Variants in ROS1 observed in about 807,000 individuals in gnomAD.
ROS1 encodes ROS proto-oncogene 1, receptor tyrosine kinase.
A neutral mutation model predicts 273.5 loss-of-function variants in ROS1; 263 were observed. The ratio of observed to expected loss-of-function variants is 0.96; its 90% confidence interval spans 0.87 to 1.06. The LOEUF (loss-of-function observed/expected upper bound fraction) is 1.06. Ranked by LOEUF, ROS1 falls within the 50% of genes least tolerant of loss-of-function variation. The pLI, the probability that ROS1 is intolerant of heterozygous loss-of-function variation, is 0.00. For missense variants in ROS1, 2,833 were observed against 2,751.1 expected (o/e 1.03, Z -0.67); for synonymous variants, 1,008 against 954.1 (o/e 1.06, Z -1.04).
chr6:117,401,860 A>G (rs1773973425), intron 7 of ROS1, among the ~76,000 whole-genome samples: 1 of 150,404 alleles, frequency 6.6e-6, no homozygotes, highest in Non-Finnish European at 1.5e-5. Flanking sequence ...TTATTTTTCC[A>G]CAGCCAAAGA....
Position 117,353,044 on chromosome 6 carries a change from C to T in ROS1, c.4249G>A (p.Ala1417Thr), listed in dbSNP as rs374701749. 6.2e-6 allele frequency: 10 copies of T among 1,614,024 alleles called. No homozygotes were observed. Among genetic ancestry groups the T allele is most frequent in the South Asian group, 4.4e-5 (4 of 91,088 alleles). Residue 1417 changes from alanine to threonine, a missense_variant, in exon 27 of 44, where the codon GCC becomes ACC. Physicochemically the swap from Ala to Thr is moderately conservative, Grantham distance 58. Coordinates refer to ENST00000368507, the MANE Select transcript of ROS1 (RefSeq NM_001378902.1). ...GCCAAGATATGCCTACTCCTTAGGG[C>T]CTTCACCTGGGAAACGATGGCCCCA... ...GNGAIVSQVK[A>T]LRSRHILAYS...
chr6:117,383,322 T>G lies in ROS1; in HGVS notation c.2476A>C (p.Lys826Gln). 1 of 1,611,862 alleles carries G rather than the reference T, an allele frequency of 6.2e-7. No individual in the cohort carries two copies. The highest frequency in any genetic ancestry group is 1.1e-5 in the South Asian group (1 of 90,934). The change falls in exon 17 of 44, where the codon AAA becomes CAA. Residue 826 changes from lysine (K) to glutamine (Q), a missense_variant. Lys to Gln is a moderately conservative substitution (Grantham distance 53). Transcript: ENST00000368507. The stretch of plus-strand genomic sequence containing the variant: ...CAGATCTTTTAATTTGTCACCTTTT[T>G]CCCAGAAAACCAAGGCTGTGTCTGT... ...VLQTQPWFSG[K>Q]KVIALTLDLS...
chr6:117,389,986 A>G (rs1408640732), intron 12 of ROS1, 140 bp from the exon 13 acceptor site: 1 of 736,064 alleles, frequency 1.4e-6, no homozygotes, highest in South Asian at 2.1e-5. Context: ...TCCAAGGTAG[A>G]AAAAGGTAAT....
intron 17 of ROS1, among the ~76,000 whole-genome samples, chr6:117,379,536 C>T (rs1771940697): frequency 6.6e-6 from 1 of 152,136 alleles, no homozygotes; most frequent in Non-Finnish European, 1.5e-5. Flanking sequence ...CTGTGTCAAG[C>T]TTGCCTAAAG....
chr6:117,410,115 C>G (rs968794288), intron 4 of ROS1, among the ~76,000 whole-genome samples: 2 of 152,124 alleles, frequency 1.3e-5, no homozygotes, highest in African/African-American at 4.8e-5. Context: ...AAAAGAAACC[C>G]CTTGTCTCTG....
At chr6:117,399,578 A>C (rs1243866050) in intron 7 of ROS1, among the ~76,000 whole-genome samples, 1 of 152,180 alleles carries the variant, frequency 6.6e-6, no homozygotes, top group African/African-American at 2.4e-5. Context: ...GCACATCTCC[A>C]GAGCTGAGGG....
chr6:117,411,798 A>G (rs1367224804), intron 4 of ROS1, among the ~76,000 whole-genome samples: 2 of 152,230 alleles, frequency 1.3e-5, no homozygotes, highest in Non-Finnish European at 2.9e-5. Flanking sequence ...ATCTAAGAAT[A>G]TGACAGTAAG....
At chr6:117,358,150 T>C (rs905647445) in intron 24 of ROS1, 141 bp from the exon 25 acceptor site, 41 of 604,736 alleles carry the variant, frequency 6.8e-5, no homozygotes, top group Non-Finnish European at 1.1e-4. Context: ...CGGTATACCA[T>C]TGTAACATGG....
chr6:117,347,011 T>A (rs1562297321), intron 27 of ROS1, among the ~76,000 whole-genome samples: 1 of 152,176 alleles, frequency 6.6e-6, no homozygotes, highest in East Asian at 1.9e-4. Flanking sequence ...CCAACTTTGT[T>A]CTTCTCCTTC....
chr6:117,342,405 T>C lies in ROS1; in HGVS notation c.4646A>G (p.Asn1549Ser), dbSNP rs779188243. 3.1e-6 allele frequency: 5 copies of C among 1,611,928 alleles called. No homozygotes were observed. The highest frequency in any genetic ancestry group is 1.7e-5 in the Admixed American group (1 of 59,830). Reference sequence around the variant, plus strand: ...ACAACAAGCCCATAACTTACCTCCATTTTTAGTTTTTCCCCAAATCTCTTT... The same window carrying C: ...ACAACAAGCCCATAACTTACCTCCACTTTTAGTTTTTCCCCAAATCTCTTT... ...PGKEIWGKTKNGVPEAVQLIN... is the reference protein window; with the variant it reads ...PGKEIWGKTKSGVPEAVQLIN... Residue 1549 changes from asparagine (N) to serine (S), a missense_variant, in exon 29 of 44, where the codon AAT becomes AGT. Coordinates refer to ENST00000368507, the MANE Select transcript of ROS1 (RefSeq NM_001378902.1).
intron 16 of ROS1, 73 bp downstream of exon 16, chr6:117,385,606 AAAAG>A (rs2128696183): frequency 1.5e-6 from 2 of 1,324,566 alleles, no homozygotes; most frequent in Non-Finnish European, 2.1e-6. Flanking sequence ...TTAAAAAAAA[AAAAG>A]AAATTGGTGT....
At chr6:117,329,678 G>A (rs547237492) in intron 32 of ROS1, among the ~76,000 whole-genome samples, 6 of 152,106 alleles carry the variant, frequency 3.9e-5, no homozygotes, top group Non-Finnish European at 8.8e-5. Flanking sequence ...CATCAAAATT[G>A]ACTAGAAGGC....
Position 117,397,126 on chromosome 6 carries a change from A to G in ROS1, c.605-10T>C. ...GGTGCAGTTTCAGGAACTGGAAGAG[A>G]TAATGGTGACATAATGAGCAGAAAA... On this transcript the variant is annotated splice_polypyrimidine_tract_variant and intron_variant, in intron 7 of 43. Transcript: ENST00000368507. 6.3e-7 allele frequency: 1 copy of G among 1,578,874 alleles called. No individual in the cohort carries two copies. Among genetic ancestry groups the G allele is most frequent in the Non-Finnish European group, 8.7e-7 (1 of 1,149,186 alleles).
intron 42 of ROS1, chr6:117,301,621 T>C (rs1774737163): frequency 6.5e-6 from 1 of 152,956 alleles, no homozygotes; most frequent in Admixed American, 6.5e-5. Flanking sequence ...GACCATTCTT[T>C]AATCAAGGGT....
intron 17 of ROS1, among the ~76,000 whole-genome samples, chr6:117,380,954 A>T (rs1270901828): frequency 6.6e-6 from 1 of 152,072 alleles, no homozygotes; most frequent in Non-Finnish European, 1.5e-5. Flanking sequence ...GTATTTCATT[A>T]TGTCGGCTGA....
At chr6:117,407,699 G>T (rs1213415186) in intron 5 of ROS1, among the ~76,000 whole-genome samples, 1 of 152,092 alleles carries the variant, frequency 6.6e-6, no homozygotes, top group Non-Finnish European at 1.5e-5. Flanking sequence ...TTTCTTCACA[G>T]AATTAGAAAA....
Position 117,396,996 on chromosome 6 carries a change from A to T in ROS1, c.725T>A (p.Ile242Asn), listed in dbSNP as rs137969966. The T allele has an allele frequency of 1.3e-5, 21 of 1,613,958 alleles. No homozygotes were observed. In the African/African-American group the frequency reaches 2.8e-4, roughly 22 times the overall value. ...TGCATCTAATTTTTGATTTTTGCTG[A>T]TCAGCCTTAAGTTATAACCCAAAAT... Reference protein sequence around the residue: ...GPILGYNLRLISKNQKLDAGT... With the variant: ...GPILGYNLRLNSKNQKLDAGT... The change falls in exon 8 of 44, where the codon ATC (isoleucine) becomes AAC (asparagine). Residue 242 changes from isoleucine to asparagine, a missense_variant. Physicochemically the swap from Ile to Asn is moderately radical, Grantham distance 149 (BLOSUM62 -3). Transcript: ENST00000368507.
At chr6:117,291,873 G>T (rs1773858151) in intron 43 of ROS1, among the ~76,000 whole-genome samples, 1 of 152,124 alleles carries the variant, frequency 6.6e-6, no homozygotes, top group African/African-American at 2.4e-5. Context: ...ATTTTCTCAA[G>T]GGTCCGTGGA....
Position 117,330,226 on chromosome 6 carries a change from A to C in ROS1, c.5231-780T>G, listed in dbSNP as rs535591301. On this transcript the variant is annotated intron_variant, in intron 32 of 43. Transcript: ENST00000368507. Reference sequence around the variant, plus strand: ...TAGTCAGCGGCCAGAGTGCCTCTTCAGGTCTAACCCTCACCCATCCTTCCT... The same window carrying C: ...TAGTCAGCGGCCAGAGTGCCTCTTCCGGTCTAACCCTCACCCATCCTTCCT... Among the ~76,000 whole-genome samples the C allele has an allele frequency of 1.2e-4, 19 of 152,136 alleles. No homozygotes were observed. The South Asian group carries it at 3.9e-3, about 32-fold the overall frequency.
Sources: allele counts gnomAD v4.1 joint callset (sites outside exome capture counted in the v4.1 genomes callset), GRCh38; gene constraint gnomAD v4.1.1; transcripts MANE v1.5; gene names NCBI Gene and HGNC (gene_info 2026-07-23, HGNC 2026-07-21).